CYB5R4: variants seen among roughly 807,000 people sequenced by gnomAD.
CYB5R4 encodes N-terminal cytochrome b5 and cytochrome b5 oxidoreductase domain-containing protein.
In CYB5R4, 55 loss-of-function variants were observed where a neutral mutation model predicts 70.2. That is an observed-to-expected ratio of 0.78 (90% CI 0.63 to 0.98). CYB5R4 has a LOEUF of 0.98. Ranked by LOEUF, CYB5R4 falls within the 50% of genes least tolerant of loss-of-function variation. The probability of loss-of-function intolerance (pLI) is 0.00; values close to 1 mark genes in which losing one functional copy is unlikely to be tolerated. For missense variants in CYB5R4, 562 were observed against 612.6 expected (o/e 0.92, Z 0.87); for synonymous variants, 197 against 199.5 (o/e 0.99, Z 0.11).
intron 2 of CYB5R4, among the ~76,000 whole-genome samples, chr6:83,866,647 G>A (rs540802378): frequency 6.6e-6 from 1 of 151,578 alleles, no homozygotes; most frequent in Admixed American, 6.6e-5. Context: ...ACAGGATCTC[G>A]CTTTGTCCCC....
intron 14 of CYB5R4, among the ~76,000 whole-genome samples, chr6:83,949,497 A>C (rs143494544): frequency 2.1e-3 from 327 of 152,282 alleles, no homozygotes; most frequent in African/African-American, 7.5e-3. Context: ...CCTGATGCCA[A>C]AATATGTTAC....
Position 83,918,072 on chromosome 6 carries a change from A to G in CYB5R4, c.506+7A>G. On this transcript the variant is annotated splice_region_variant and intron_variant, in intron 6 of 15. Coordinates refer to ENST00000369681, the MANE Select transcript of CYB5R4 (RefSeq NM_016230.4). ...AAGGTCCTAGTTATCCAAGGTATGCATTCTTATTTAAAATTTTTAAAGTTA... is the reference window on the plus strand; with the variant it reads ...AAGGTCCTAGTTATCCAAGGTATGCGTTCTTATTTAAAATTTTTAAAGTTA... 1.2e-6 allele frequency: 2 copies of G among 1,601,994 alleles called. No homozygotes were observed. Among genetic ancestry groups the G allele is most frequent in the Non-Finnish European group, 1.7e-6 (2 of 1,170,994 alleles).
At chr6:83,907,994 A>C (rs539821370) in intron 3 of CYB5R4, among the ~76,000 whole-genome samples, 2 of 152,326 alleles carry the variant, frequency 1.3e-5, no homozygotes, top group African/African-American at 4.8e-5. Context: ...ATATATACTC[A>C]GAAATGGGAT....
At chr6:83,911,383 C>T (rs1297326905) in intron 4 of CYB5R4, among the ~76,000 whole-genome samples, 1 of 152,108 alleles carries the variant, frequency 6.6e-6, no homozygotes, top group East Asian at 1.9e-4. Flanking sequence ...AAGAAGTCTT[C>T]TGGCAAGGCT....
In CYB5R4 at chr6:83,962,677, G is replaced by T. The variant is rs976761792; in HGVS notation, c.*2799G>T. On this transcript the variant is annotated 3_prime_UTR_variant, in exon 16 of 16. Coordinates refer to ENST00000369681, the MANE Select transcript of CYB5R4 (RefSeq NM_016230.4). ...GTAATCAGATTGTCAGCTGAGCTGGGCTCTTAGCTAGAGGCTGTAAGGGGA... is the reference window on the plus strand; with the variant it reads ...GTAATCAGATTGTCAGCTGAGCTGGTCTCTTAGCTAGAGGCTGTAAGGGGA... The T allele has an allele frequency of 2.0e-5, 3 of 152,282 alleles. No individual in the cohort carries two copies. The highest frequency in any genetic ancestry group is 7.2e-5 in the African/African-American group (3 of 41,560). 9.4% of individuals were successfully genotyped at this position (152,282 alleles called of 1,614,324 possible).
At chr6:83,908,295 T>C (rs575965198) in intron 3 of CYB5R4, among the ~76,000 whole-genome samples, 2 of 152,176 alleles carry the variant, frequency 1.3e-5, no homozygotes, top group Non-Finnish European at 2.9e-5. Context: ...TAATTTATTT[T>C]AAGTTCTGAG....
rs2099456420 is a variant in CYB5R4, at chr6:83,864,254, G to A, written c.155G>A (p.Gly52Asp). ...KSGKDLTGLK[G>D]RLIEVTEEEL... Reference sequence around the variant, plus strand: ...GGAAAGGATCTAACGGGATTAAAAGGCAGGTTAATTGAAGTAACTGAAGAA... The same window carrying A: ...GGAAAGGATCTAACGGGATTAAAAGACAGGTTAATTGAAGTAACTGAAGAA... The change falls in exon 2 of 16, where the codon GGC becomes GAC. Residue 52 changes from glycine (G) to aspartate (D), a missense_variant. Physicochemically the swap from Gly to Asp is moderately conservative, Grantham distance 94. Coordinates refer to ENST00000369681, the MANE Select transcript of CYB5R4 (RefSeq NM_016230.4). 1.4e-5 allele frequency: 22 copies of A among 1,613,512 alleles called. No homozygotes were observed. The highest frequency in any genetic ancestry group is 1.9e-5 in the Non-Finnish European group (22 of 1,179,630).
rs1214838682 is a variant in CYB5R4, at chr6:83,965,618, A to G, written c.*5740A>G. 1 of 152,126 alleles carries G rather than the reference A, an allele frequency of 6.6e-6. No homozygotes were observed. Among genetic ancestry groups the G allele is most frequent in the African/African-American group, 2.4e-5 (1 of 41,406 alleles). The allele number at this position is 152,126 out of a possible 1,614,324, so 9.4% of individuals were successfully genotyped here. A position where few individuals can be genotyped will look rare whatever the true frequency, so the allele number is the denominator to read the frequency against. ...ACTGTGGACTTTTGGGTTAATGCTG[A>G]AATGATTTAAGACTTTGGGGTACTG... On this transcript the variant is annotated 3_prime_UTR_variant, in exon 16 of 16. Coordinates refer to ENST00000369681, the MANE Select transcript of CYB5R4 (RefSeq NM_016230.4).
intron 12 of CYB5R4, among the ~76,000 whole-genome samples, chr6:83,937,321 A>G (rs1385304957): frequency 1.3e-5 from 2 of 152,018 alleles, no homozygotes; most frequent in Non-Finnish European, 2.9e-5. Flanking sequence ...ACCCAAACAG[A>G]ATATCACTTT....
intron 2 of CYB5R4, among the ~76,000 whole-genome samples, chr6:83,866,319 A>G (rs2099456716): frequency 6.6e-6 from 1 of 152,182 alleles, no homozygotes; most frequent in Non-Finnish European, 1.5e-5. Context: ...AGTATCCCTT[A>G]TCCAAAATGC....
intron 2 of CYB5R4, among the ~76,000 whole-genome samples, chr6:83,873,585 C>T (rs1252996230): frequency 6.6e-6 from 1 of 151,970 alleles, no homozygotes; most frequent in Non-Finnish European, 1.5e-5. Flanking sequence ...TTTGCTTTTT[C>T]GTATGACTGT....
chr6:83,879,941 A>G (rs1167709951), intron 2 of CYB5R4, among the ~76,000 whole-genome samples: 1 of 152,038 alleles, frequency 6.6e-6, no homozygotes, highest in Non-Finnish European at 1.5e-5. Context: ...ATCTCCTCAG[A>G]GGGGCGTGTC....
chr6:83,921,640 C>T (rs1157368916), intron 8 of CYB5R4, among the ~76,000 whole-genome samples: 1 of 152,104 alleles, frequency 6.6e-6, no homozygotes, highest in African/African-American at 2.4e-5. Flanking sequence ...TGGCTAAAGA[C>T]CAACTTTGTA....
intron 3 of CYB5R4, among the ~76,000 whole-genome samples, chr6:83,894,678 A>G (rs1331195148): frequency 1.3e-5 from 2 of 152,206 alleles, no homozygotes; most frequent in African/African-American, 4.8e-5. Flanking sequence ...CAGTCAATTA[A>G]CATATATATG....
At chr6:83,880,983 T>G (rs1000640980) in intron 2 of CYB5R4, among the ~76,000 whole-genome samples, 6 of 152,166 alleles carry the variant, frequency 3.9e-5, no homozygotes, top group African/African-American at 1.4e-4. Context: ...GTCTCTTTGC[T>G]TCTTGTTTTT....
intron 7 of CYB5R4, 127 bp downstream of exon 7, chr6:83,919,581 T>A (rs2099466038): frequency 2.2e-6 from 1 of 446,950 alleles, no homozygotes; most frequent in Admixed American, 4.6e-5. Flanking sequence ...GATAGTATTG[T>A]TATCCCTTTT....
At chr6:83,951,314 C>G (rs1010019487) in intron 14 of CYB5R4, among the ~76,000 whole-genome samples, 2 of 152,158 alleles carry the variant, frequency 1.3e-5, no homozygotes, top group Admixed American at 1.3e-4. Context: ...ACTTTAAGTT[C>G]TGGGATACAT....
At chr6:83,902,173 A>G (rs757480872) in intron 3 of CYB5R4, among the ~76,000 whole-genome samples, 2 of 152,066 alleles carry the variant, frequency 1.3e-5, no homozygotes, top group East Asian at 1.9e-4. Context: ...TAAGTCTTTA[A>G]TCCATTTTGA....
rs370218813 is a variant in CYB5R4, at chr6:83,921,092, T to C, written c.575T>C (p.Leu192Ser). ...AIYTKQKDIN[L>S]DSIIVDHQND... ...TGCTTTCTCTTTAAGGATATCAATT[T>C]AGACTCAATAATAGTTGATCATCAG... The change falls in exon 8 of 16, where the codon TTA becomes TCA. Residue 192 changes from leucine (L) to serine (S), a missense_variant. Physicochemically the swap from Leu to Ser is moderately radical, Grantham distance 145. Coordinates refer to ENST00000369681, the MANE Select transcript of CYB5R4 (RefSeq NM_016230.4). 92 of 1,509,412 alleles carry C rather than the reference T, an allele frequency of 6.1e-5. No individual in the cohort carries two copies. In the African/African-American group the frequency reaches 1.1e-3, roughly 19 times the overall value. The allele number at this position is 1,509,412 out of a possible 1,614,324, so 93.5% of individuals were successfully genotyped here. A position where few individuals can be genotyped will look rare whatever the true frequency, so the allele number is the denominator to read the frequency against.
Sources: allele counts gnomAD v4.1 joint callset (sites outside exome capture counted in the v4.1 genomes callset), GRCh38; gene constraint gnomAD v4.1.1; transcripts MANE v1.5; gene names NCBI Gene and HGNC (gene_info 2026-07-23, HGNC 2026-07-21).